Variants in CCDC66 observed in about 807,000 individuals in gnomAD.
CCDC66 encodes the protein coiled-coil domain-containing protein 66.
Under a neutral mutation model 128.3 loss-of-function variants are expected in CCDC66, and 133 were observed. The observed-to-expected ratio is 1.04, with a 90% CI of 0.90 to 1.20. CCDC66 has a LOEUF of 1.20. Among genes scored for constraint, CCDC66 ranks in the 50% most tolerant of loss-of-function variants. The pLI is 0.00. For missense variants in CCDC66, 1,126 were observed against 1,075.5 expected (o/e 1.05, Z -0.66); for synonymous variants, 387 against 357.0 (o/e 1.08, Z -0.95).
At chr3:56,573,745 A>G (rs1230999678) in intron 7 of CCDC66, among the ~76,000 whole-genome samples, 1 of 151,660 alleles carries the variant, frequency 6.6e-6, no homozygotes, top group Admixed American at 6.6e-5. Flanking sequence ...GTGGTTAGCC[A>G]GGGAGGGAGG....
chr3:56,557,697 C>T (rs2064522496), intron 1 of CCDC66: 1 of 172,398 alleles, frequency 5.8e-6, no homozygotes, highest in Admixed American at 5.8e-5. Context: ...GGCGGGGAAC[C>T]AGGCTTCTCA....
At chr3:56,604,576 C>A (rs868579110) in intron 10 of CCDC66, among the ~76,000 whole-genome samples, 1 of 144,742 alleles carries the variant, frequency 6.9e-6, no homozygotes, top group Non-Finnish European at 1.5e-5. Context: ...GTTGAAAATT[C>A]TTTTTTTTTT....
intron 10 of CCDC66, among the ~76,000 whole-genome samples, chr3:56,604,644 A>G (rs1281862288): frequency 6.6e-6 from 1 of 151,604 alleles, no homozygotes; most frequent in African/African-American, 2.4e-5. Context: ...TTCTGCAGAG[A>G]GATCCGCTGT....
intron 7 of CCDC66, among the ~76,000 whole-genome samples, chr3:56,585,187 C>A (rs934350390): frequency 6.6e-6 from 1 of 151,760 alleles, no homozygotes; most frequent in African/African-American, 2.4e-5. Context: ...AAAATATTCA[C>A]TCAGTTTTTA....
chr3:56,589,237 A>C (rs1445240619), intron 7 of CCDC66, among the ~76,000 whole-genome samples: 1 of 152,198 alleles, frequency 6.6e-6, no homozygotes, highest in African/African-American at 2.4e-5. Flanking sequence ...AGATTACTAA[A>C]ATTGACACAA....
At chr3:56,615,717 T>C (rs2107369586) in intron 12 of CCDC66, among the ~76,000 whole-genome samples, 1 of 152,210 alleles carries the variant, frequency 6.6e-6, no homozygotes, top group East Asian at 1.9e-4. Context: ...ATGTGTACTT[T>C]TTGTGTCTAT....
At chr3:56,562,284 A>G (rs1385897166) in intron 3 of CCDC66, among the ~76,000 whole-genome samples, 1 of 152,022 alleles carries the variant, frequency 6.6e-6, no homozygotes, top group Non-Finnish European at 1.5e-5. Flanking sequence ...TCCTGGGCTC[A>G]AGCGATCCTT....
chr3:56,566,933 T>C lies in CCDC66; in HGVS notation c.711-17T>C, dbSNP rs970889038. The C allele has an allele frequency of 1.3e-6, 2 of 1,594,672 alleles. No individual in the cohort carries two copies. Among genetic ancestry groups the C allele is most frequent in the Admixed American group, 3.4e-5 (2 of 58,988 alleles). Reference sequence around the variant, plus strand: ...ATGTATGATACAGTTTCTGTTATCTTTTGTGTTTTACCTTAGAGAGAATGA... The same window carrying C: ...ATGTATGATACAGTTTCTGTTATCTCTTGTGTTTTACCTTAGAGAGAATGA... On this transcript the variant is annotated splice_polypyrimidine_tract_variant and intron_variant, in intron 5 of 17. Transcript: ENST00000394672.
chr3:56,571,232 AT>A lies in CCDC66; in HGVS notation c.867del (p.Asn289LysfsTer12), dbSNP rs1405997605. The A allele has an allele frequency of 6.5e-7, 1 of 1,546,882 alleles. No individual in the cohort carries two copies. The highest frequency in any genetic ancestry group is 8.8e-7 in the Non-Finnish European group (1 of 1,130,928). ...GAAAAAGAAGTTTCTGAAAAATGGA[AT>A]GATCCTTGGAAAAAATCTGAAAGTG... ...KKEKEVSEKW[N>X]DPWKKSESDK... On this transcript the variant is annotated frameshift_variant, in exon 7 of 18. Transcript: ENST00000394672. LOFTEE classifies it high-confidence loss of function.
rs1020668244 is a variant in CCDC66 at position 56,616,859 on chromosome 3, C to T, written c.1844-253C>T. On this transcript the variant is annotated intron_variant, in intron 13 of 17. Transcript: ENST00000394672. ...TCTCAGGTGGTTTTGGTTTGCATTT[C>T]CCCCCCAGTGACTGATGATGTTGAG... 8.7e-6 allele frequency: 3 copies of T among 344,846 alleles called. No homozygotes were observed. In the South Asian group the frequency reaches 2.3e-4, roughly 26 times the overall value. The allele number at this position is 344,846 out of a possible 1,614,324, so 21.4% of individuals were successfully genotyped here. A position where few individuals can be genotyped will look rare whatever the true frequency, so the allele number is the denominator to read the frequency against.
At chr3:56,621,067 G>A (rs2076475187) in intron 17 of CCDC66, 1 of 152,248 alleles carries the variant, frequency 6.6e-6, no homozygotes, top group East Asian at 1.9e-4. Context: ...GGGAGGTTGA[G>A]GCAGGAGAAT....
intron 7 of CCDC66, among the ~76,000 whole-genome samples, chr3:56,584,581 G>A (rs1324770044): frequency 5.3e-5 from 8 of 150,788 alleles, no homozygotes; most frequent in African/African-American, 7.3e-5. Flanking sequence ...GATGGCGGCC[G>A]GGAAGAGGCG....
intron 7 of CCDC66, among the ~76,000 whole-genome samples, chr3:56,584,605 A>C (rs1271374699): frequency 6.8e-6 from 1 of 147,644 alleles, no homozygotes; most frequent in African/African-American, 2.5e-5. Flanking sequence ...CTGACTTCCC[A>C]GACTGGGCGG....
chr3:56,582,568 C>T (rs1553682598), intron 7 of CCDC66, among the ~76,000 whole-genome samples: 1 of 151,628 alleles, frequency 6.6e-6, no homozygotes, highest in Non-Finnish European at 1.5e-5. Flanking sequence ...AAGAATTGTT[C>T]TTTATTGGTA....
rs1392055764 is a variant in CCDC66, at chr3:56,566,677, G to A, written c.628G>A (p.Val210Ile). Reference sequence around the variant, plus strand: ...GGGATTATTCAAAAAAACTGAAATGGTTTCATCTGTCCCAGCTGAAAATAA... The same window carrying A: ...GGGATTATTCAAAAAAACTGAAATGATTTCATCTGTCCCAGCTGAAAATAA... ...IMGLFKKTEM[V>I]SSVPAENKSV... Residue 210 changes from valine (V) to isoleucine (I), a missense_variant, in exon 5 of 18, where the codon GTT becomes ATT. By Grantham distance (29) the Val-to-Ile change is conservative. Transcript: ENST00000394672. 1.2e-6 allele frequency: 2 copies of A among 1,611,716 alleles called. No individual in the cohort carries two copies. The highest frequency in any genetic ancestry group is 2.7e-5 in the African/African-American group (2 of 74,990).
chr3:56,571,706 G>A (rs958776807), intron 7 of CCDC66, among the ~76,000 whole-genome samples: 7 of 152,062 alleles, frequency 4.6e-5, no homozygotes, highest in Non-Finnish European at 4.4e-5. Context: ...ATATTTTTGG[G>A]TTTTTTGTAT....
At chr3:56,602,892 T>A (rs1199946306) in intron 10 of CCDC66, among the ~76,000 whole-genome samples, 7 of 148,314 alleles carry the variant, frequency 4.7e-5, no homozygotes. Flanking sequence ...TGGAGTGCAG[T>A]GGCATGATCT....
chr3:56,557,228 G>GT lies in CCDC66; in HGVS notation c.-14dup, dbSNP rs1345193499. The GT allele has an allele frequency of 5.8e-6, 9 of 1,549,204 alleles. No homozygotes were observed. The highest frequency in any genetic ancestry group is 7.8e-6 in the Non-Finnish European group (9 of 1,146,636). On this transcript the variant is annotated 5_prime_UTR_variant, in exon 1 of 18. Coordinates refer to ENST00000394672, the MANE Select transcript of CCDC66 (RefSeq NM_001141947.3). Reference sequence around the variant, plus strand: ...GGGGCTTGAGCGTTCTGTGGAGAGAGTGCGAGGTCAGGCCATGAACTTGGG... The same window carrying GT: ...GGGGCTTGAGCGTTCTGTGGAGAGAGTTGCGAGGTCAGGCCATGAACTTGGG...
At position 56,591,229 on chromosome 3, in the gene CCDC66, C is replaced by G. The variant is rs7653353; in HGVS notation, c.937-1741C>G. On this transcript the variant is annotated intron_variant, in intron 7 of 17. Transcript: ENST00000394672. ...GAAATTAAAGACTCAACTGAGAGAT[C>G]TAATTGTTCAGTTATCTTAGGGTTA... is the stretch of plus-strand genomic sequence containing the variant. Among the ~76,000 whole-genome samples the G allele has an allele frequency of 9.1e-3, 1,390 of 152,252 alleles. 23 individuals are homozygous for G. The highest frequency in any genetic ancestry group is 0.031 in the African/African-American group (1,301 of 41,540).
Sources: allele counts gnomAD v4.1 joint callset (sites outside exome capture counted in the v4.1 genomes callset), GRCh38; gene constraint gnomAD v4.1.1; transcripts MANE v1.5; gene names NCBI Gene and HGNC (gene_info 2026-07-23, HGNC 2026-07-21).